NOX4: variants seen among roughly 807,000 people sequenced by gnomAD.
NOX4 encodes NADPH oxidase 4, also known as kidney oxidase-1.
In NOX4, 69 loss-of-function variants were observed where a neutral mutation model predicts 87.6. The observed-to-expected ratio is 0.79, with a 90% CI of 0.65 to 0.96. The LOEUF is 0.96. Ranked by LOEUF, NOX4 falls within the 40% of genes least tolerant of loss-of-function variation. The pLI, the probability that NOX4 is intolerant of heterozygous loss-of-function variation, is 0.00. For missense variants in NOX4, 680 were observed against 681.5 expected, an observed-to-expected ratio of 1.00 and a Z score of 0.02; for synonymous variants, 275 against 238.2, an observed-to-expected ratio of 1.15 and a Z score of -1.42.
chr11:89,352,509 C>A (rs1342290568), intron 13 of NOX4, among the ~76,000 whole-genome samples: 1 of 152,064 alleles, frequency 6.6e-6, no homozygotes, highest in South Asian at 2.1e-4. Flanking sequence ...TTAAAAACAT[C>A]CTGAAAATTA....
intron 2 of NOX4, among the ~76,000 whole-genome samples, chr11:89,486,640 ATG>A (rs1450529568): frequency 3.1e-5 from 3 of 97,594 alleles, no homozygotes; most frequent in Admixed American, 1.0e-4. Flanking sequence ...ATACATATAT[ATG>A]TGTGTATATA....
chr11:89,364,480 C>CT (rs916059157), intron 12 of NOX4, among the ~76,000 whole-genome samples: 6 of 151,910 alleles, frequency 3.9e-5, no homozygotes, highest in Non-Finnish European at 5.9e-5. Flanking sequence ...ATAAAACTAT[C>CT]TTTTTTGCAA....
chr11:89,438,500 CAT>C (rs1944215328), intron 6 of NOX4, among the ~76,000 whole-genome samples: 1 of 75,332 alleles, frequency 1.3e-5, no homozygotes, highest in South Asian at 4.6e-4. Flanking sequence ...TAATATACAG[CAT>C]ATATATTATA....
the NOX4 span, among the ~76,000 whole-genome samples, chr11:89,574,536 G>T: frequency 6.6e-6 from 1 of 152,106 alleles, no homozygotes; most frequent in East Asian, 1.9e-4. Context: ...TTAGCTCTTT[G>T]TTATGCTCTT....
chr11:89,425,147 C>A, intron 7 of NOX4, among the ~76,000 whole-genome samples: 1 of 151,636 alleles, frequency 6.6e-6, no homozygotes, highest in East Asian at 1.9e-4. Flanking sequence ...TTCAAGAATT[C>A]CTAAAATTGA....
chr11:89,335,242 G>A (rs547025617), intron 17 of NOX4, among the ~76,000 whole-genome samples: 1 of 151,730 alleles, frequency 6.6e-6, no homozygotes, highest in African/African-American at 2.4e-5. Flanking sequence ...GGGCTGGCTG[G>A]TCTGTGCCCT....
chr11:89,332,165 AC>A (rs1302268408), intron 17 of NOX4, among the ~76,000 whole-genome samples: 1 of 150,982 alleles, frequency 6.6e-6, no homozygotes, highest in African/African-American at 2.5e-5. Flanking sequence ...GAACTTAATC[AC>A]CCCGGAGAGC....
At chr11:89,563,563 T>C in the NOX4 span, among the ~76,000 whole-genome samples, 1 of 152,168 alleles carries the variant, frequency 6.6e-6, no homozygotes, top group Admixed American at 6.5e-5. Flanking sequence ...TGCAAAAAAA[T>C]ACAGAAAAAC....
intron 11 of NOX4, among the ~76,000 whole-genome samples, chr11:89,398,830 T>A (rs1941652524): frequency 6.6e-6 from 1 of 151,896 alleles, no homozygotes; most frequent in Admixed American, 6.6e-5. Context: ...TACAGTACTT[T>A]CCTACTGTGA....
At chr11:89,552,421 T>C in the NOX4 span, among the ~76,000 whole-genome samples, 1,351 of 152,306 alleles carry the variant, frequency 8.9e-3, 19 homozygotes, top group African/African-American at 0.031. Flanking sequence ...CTTTTGGTAG[T>C]TTATCTTTCT....
the NOX4 span, among the ~76,000 whole-genome samples, chr11:89,555,225 G>C: frequency 1.3e-5 from 2 of 152,010 alleles, no homozygotes; most frequent in Admixed American, 6.6e-5. Context: ...ACTCTGGATT[G>C]TAAATCCTAA....
chr11:89,333,869 A>G (rs1945585038), intron 17 of NOX4, among the ~76,000 whole-genome samples: 1 of 151,790 alleles, frequency 6.6e-6, no homozygotes, highest in Non-Finnish European at 1.5e-5. Flanking sequence ...ACACAAAGTC[A>G]AAGTGTTGTA....
At chr11:89,487,357 A>AT (rs1284914134) in intron 2 of NOX4, among the ~76,000 whole-genome samples, 1 of 152,156 alleles carries the variant, frequency 6.6e-6, no homozygotes, top group African/African-American at 2.4e-5. Flanking sequence ...GAAAATAGAG[A>AT]TTTTCAAGCA....
In NOX4 at chr11:89,353,420, G is replaced by C. The variant is rs143949212; in HGVS notation, c.1217+1542C>G. On this transcript the variant is annotated intron_variant, in intron 13 of 17. Coordinates refer to ENST00000263317, the MANE Select transcript of NOX4 (RefSeq NM_016931.5). Reference sequence around the variant, plus strand: ...AGGAAAGATCCTCTACCAGCAAAAAGTTTATGACTTGCTGAAGGCTTAGAT... The same window carrying C: ...AGGAAAGATCCTCTACCAGCAAAAACTTTATGACTTGCTGAAGGCTTAGAT... 8.2e-3 allele frequency among the ~76,000 whole-genome samples: 1,255 copies of C among 152,228 alleles called. 16 individuals are homozygous for C. The highest frequency in any genetic ancestry group is 0.027 in the African/African-American group (1,134 of 41,542).
the NOX4 span, among the ~76,000 whole-genome samples, chr11:89,558,466 T>G: frequency 6.6e-6 from 1 of 152,082 alleles, no homozygotes; most frequent in Non-Finnish European, 1.5e-5. Flanking sequence ...CTGGATGGAA[T>G]GAACTGCTTC....
At chr11:89,451,985 T>C in intron 2 of NOX4, 90 bp from the exon 3 acceptor site, 1 of 811,250 alleles carries the variant, frequency 1.2e-6, no homozygotes, top group East Asian at 2.6e-5. Flanking sequence ...ACCCTATTGC[T>C]CTTTTAAGAA....
the NOX4 span, among the ~76,000 whole-genome samples, chr11:89,536,838 C>A: frequency 1.1e-3 from 171 of 152,260 alleles, 1 homozygote; most frequent in South Asian, 2.3e-3. Flanking sequence ...AAGTCAATTG[C>A]CCAATGTATG....
rs1237757884 is a variant in NOX4, at chr11:89,342,067, G to A, written c.1337+7C>T. On this transcript the variant is annotated splice_region_variant and intron_variant, in intron 14 of 17. Coordinates refer to ENST00000263317, the MANE Select transcript of NOX4 (RefSeq NM_016931.5). ...TTGGATTAACAAAATAGATCAAAATGACATACAACAGGGTGTTGAGTATTG... is the reference window on the plus strand; with the variant it reads ...TTGGATTAACAAAATAGATCAAAATAACATACAACAGGGTGTTGAGTATTG... The A allele has an allele frequency of 1.9e-6, 3 of 1,601,316 alleles. No individual in the cohort carries two copies. Among genetic ancestry groups the A allele is most frequent in the African/African-American group, 1.3e-5 (1 of 74,460 alleles).
At chr11:89,414,222 C>A (rs1591165164) in intron 8 of NOX4, among the ~76,000 whole-genome samples, 1 of 151,968 alleles carries the variant, frequency 6.6e-6, no homozygotes, top group African/African-American at 2.4e-5. Flanking sequence ...TGTGGGATAG[C>A]AAAACTATGG....
Sources: allele counts gnomAD v4.1 joint callset (sites outside exome capture counted in the v4.1 genomes callset), GRCh38; gene constraint gnomAD v4.1.1; transcripts MANE v1.5; gene names NCBI Gene and HGNC (gene_info 2026-07-23, HGNC 2026-07-21).